The following CTNND2 variants were observed in gnomAD, a reference collection of about 807,000 sequenced individuals.
CTNND2 encodes catenin delta 2.
In CTNND2, 22 loss-of-function variants were observed where a neutral mutation model predicts 144.4. The ratio of observed to expected loss-of-function variants is 0.15; its 90% CI spans 0.11 to 0.22. The LOEUF is 0.22. Ranked by LOEUF, CTNND2 falls within the 10% of genes least tolerant of loss-of-function variation. The pLI is 1.00. For missense variants in CTNND2, 1,353 were observed against 1,618.8 expected, an observed-to-expected ratio of 0.84 and a Z score of 2.82; for synonymous variants, 751 against 695.6, an observed-to-expected ratio of 1.08 and a Z score of -1.25.
At chr5:11,246,984 G>A (rs1743072016) in intron 9 of CTNND2, among the ~76,000 whole-genome samples, 1 of 152,188 alleles carries the variant, frequency 6.6e-6, no homozygotes, top group Non-Finnish European at 1.5e-5. Context: ...TCTGCTCCAA[G>A]ACATAGGGAA....
chr5:11,063,014 C>G (rs1212396123), intron 16 of CTNND2, among the ~76,000 whole-genome samples: 1 of 152,100 alleles, frequency 6.6e-6, no homozygotes, highest in Non-Finnish European at 1.5e-5. Flanking sequence ...TTACCTTCAA[C>G]AAGATTGAAG....
At chr5:11,851,166 G>C (rs1794993349) in intron 1 of CTNND2, among the ~76,000 whole-genome samples, 1 of 152,052 alleles carries the variant, frequency 6.6e-6, no homozygotes, top group African/African-American at 2.4e-5. Context: ...TGAATTTCCT[G>C]CCTGTCAGCT....
At chr5:11,825,007 T>C (rs931996563) in intron 1 of CTNND2, among the ~76,000 whole-genome samples, 1 of 152,210 alleles carries the variant, frequency 6.6e-6, no homozygotes, top group Non-Finnish European at 1.5e-5. Flanking sequence ...ACTGGATTAT[T>C]GACTTATCCT....
intron 3 of CTNND2, among the ~76,000 whole-genome samples, chr5:11,556,709 T>C (rs1477508769): frequency 6.6e-6 from 1 of 151,978 alleles, no homozygotes; most frequent in East Asian, 1.9e-4. Context: ...GTATTCCTTT[T>C]GCCCCCTAAT....
chr5:11,335,871 G>T (rs1753679607), intron 9 of CTNND2, among the ~76,000 whole-genome samples: 1 of 152,054 alleles, frequency 6.6e-6, no homozygotes, highest in African/African-American at 2.4e-5. Context: ...TTGCACAGAG[G>T]TGTAACTTTG....
At chr5:11,687,584 GATC>G (rs1784713321) in intron 2 of CTNND2, among the ~76,000 whole-genome samples, 1 of 152,170 alleles carries the variant, frequency 6.6e-6, no homozygotes, top group South Asian at 2.1e-4. Context: ...TAGGTGTGAG[GATC>G]ATCAAGTGTA....
At chr5:11,141,614 C>G (rs1250880087) in intron 12 of CTNND2, among the ~76,000 whole-genome samples, 1 of 152,086 alleles carries the variant, frequency 6.6e-6, no homozygotes, top group Non-Finnish European at 1.5e-5. Flanking sequence ...GGCAGCCGTG[C>G]AAGCTGGCAA....
chr5:11,298,259 C>T (rs1032991956), intron 9 of CTNND2, among the ~76,000 whole-genome samples: 1 of 152,204 alleles, frequency 6.6e-6, no homozygotes, highest in South Asian at 2.1e-4. Context: ...CAACCTCAGA[C>T]TCCAGGGTTC....
intron 2 of CTNND2, 45 bp from the exon 3 acceptor site, chr5:11,565,101 C>T: frequency 7.3e-7 from 1 of 1,371,608 alleles, no homozygotes; most frequent in Non-Finnish European, 1.0e-6. Flanking sequence ...ATCTACATGA[C>T]AGGTGAAATT....
At chr5:11,584,308 C>A (rs1364275385) in intron 2 of CTNND2, among the ~76,000 whole-genome samples, 1 of 151,454 alleles carries the variant, frequency 6.6e-6, no homozygotes, top group Non-Finnish European at 1.5e-5. Flanking sequence ...GTAGTGGAGG[C>A]GGAAAGGATG....
intron 1 of CTNND2, among the ~76,000 whole-genome samples, chr5:11,857,467 G>A (rs1373148810): frequency 1.3e-5 from 2 of 152,178 alleles, no homozygotes; most frequent in African/African-American, 4.8e-5. Flanking sequence ...CACGAGAGCC[G>A]GACAGGGTGC....
At chr5:11,508,920 A>G (rs1284782265) in intron 3 of CTNND2, among the ~76,000 whole-genome samples, 1 of 152,176 alleles carries the variant, frequency 6.6e-6, no homozygotes, top group Non-Finnish European at 1.5e-5. Context: ...CAAAAAAAAA[A>G]AAAATTCCCA....
chr5:11,081,086 A>ACACACACACT (rs1749509033), intron 16 of CTNND2, among the ~76,000 whole-genome samples: 1 of 148,396 alleles, frequency 6.7e-6, no homozygotes, highest in African/African-American at 2.5e-5. Context: ...ACACACACAC[A>ACACACACACT]CACACACACA....
At chr5:11,167,241 G>A (rs751296470) in intron 11 of CTNND2, among the ~76,000 whole-genome samples, 2 of 152,148 alleles carry the variant, frequency 1.3e-5, no homozygotes, top group Non-Finnish European at 2.9e-5. Context: ...CCATAACACC[G>A]TAAACTCTCA....
intron 1 of CTNND2, among the ~76,000 whole-genome samples, chr5:11,812,636 T>G (rs1453725304): frequency 6.6e-6 from 1 of 152,234 alleles, no homozygotes; most frequent in Non-Finnish European, 1.5e-5. Context: ...TTGTTGGATT[T>G]CAGGAAAATA....
chr5:11,722,040 C>T (rs898378569), intron 2 of CTNND2, among the ~76,000 whole-genome samples: 5 of 152,166 alleles, frequency 3.3e-5, no homozygotes, highest in African/African-American at 4.8e-5. Context: ...CTGTTTACTT[C>T]GCCTTCCTGC....
At chr5:11,434,530 TTAAAA>T (rs1195525358) in intron 3 of CTNND2, among the ~76,000 whole-genome samples, 1 of 152,192 alleles carries the variant, frequency 6.6e-6, no homozygotes, top group Admixed American at 6.5e-5. Context: ...AAAGTAAATA[TTAAAA>T]TATAGTTATT....
intron 1 of CTNND2, among the ~76,000 whole-genome samples, chr5:11,746,916 T>G (rs1420399553): frequency 2.0e-5 from 3 of 152,160 alleles, no homozygotes; most frequent in Non-Finnish European, 4.4e-5. Context: ...ATATTCAATA[T>G]GTTAAATTAA....
chr5:11,581,014 T>A (rs970512033), intron 2 of CTNND2, among the ~76,000 whole-genome samples: 4 of 152,184 alleles, frequency 2.6e-5, no homozygotes, highest in Non-Finnish European at 5.9e-5. Flanking sequence ...ATATATGATT[T>A]CACATATGGC....
Sources: gnomAD v4.1 joint callset for allele counts (sites outside exome capture counted in the v4.1 genomes callset) on GRCh38, gnomAD v4.1.1 for gene constraint, MANE v1.5 for transcripts, NCBI Gene and HGNC (gene_info 2026-07-23, HGNC 2026-07-21) for gene names.